The following ASXL1 variants were observed in gnomAD, a reference collection of about 807,000 sequenced individuals.
ASXL1 encodes ASXL transcriptional regulator 1, also known as polycomb group protein ASXL1.
In ASXL1, 65 loss-of-function variants were observed where a neutral mutation model predicts 89.1. The observed-to-expected ratio is 0.73, with a 90% CI of 0.60 to 0.90. ASXL1 has a LOEUF of 0.90. Ranked by LOEUF, ASXL1 falls within the 40% of genes least tolerant of loss-of-function variation. The pLI is 0.00. For missense variants in ASXL1, 1,786 were observed against 1,942.9 expected (o/e 0.92, Z 1.52); for synonymous variants, 739 against 746.9 (o/e 0.99, Z 0.17).
chr20:32,375,448 C>A (rs377703225), intron 4 of ASXL1, among the ~76,000 whole-genome samples: 27 of 136,772 alleles, frequency 2.0e-4, no homozygotes, highest in African/African-American at 2.5e-4. Context: ...GACTTGGTCT[C>A]AAAAAAAAAA....
intron 1 of ASXL1, among the ~76,000 whole-genome samples, chr20:32,361,426 T>C (rs1422019964): frequency 6.7e-6 from 1 of 149,672 alleles, no homozygotes; most frequent in Non-Finnish European, 1.5e-5. Context: ...GATCACAGGG[T>C]CAGGAGTTCT....
chr20:32,419,017 G>C (rs2049191403), intron 4 of ASXL1, among the ~76,000 whole-genome samples: 1 of 151,620 alleles, frequency 6.6e-6, no homozygotes, highest in African/African-American at 2.4e-5. Context: ...ATTTTTGGTA[G>C]AGATGGGGTT....
At chr20:32,423,847 C>T (rs986416154) in intron 4 of ASXL1, among the ~76,000 whole-genome samples, 1 of 152,208 alleles carries the variant, frequency 6.6e-6, no homozygotes, top group Admixed American at 6.5e-5. Flanking sequence ...CTGCACCTGG[C>T]CAAGCCCAGG....
At position 32,434,758 on chromosome 20, in the gene ASXL1, C is replaced by T. The variant is rs2145361546; in HGVS notation, c.2046C>T (p.Ser682=). The change falls in exon 13 of 13, where the codon AGC becomes AGT. Residue 682 remains serine (S), a synonymous_variant. Coordinates refer to ENST00000375687, the MANE Select transcript of ASXL1 (RefSeq NM_015338.6). ...ACCCTGAGCCCAGGGGAGGCCCGAGCACCCCTGGAAAGTGTACGTCAGATC... is the reference window on the plus strand; with the variant it reads ...ACCCTGAGCCCAGGGGAGGCCCGAGTACCCCTGGAAAGTGTACGTCAGATC... The part of the protein sequence containing the change: ...CGHPEPRGGP[S]TPGKCTSDLQ... 1 of 1,613,526 alleles carries T rather than the reference C, an allele frequency of 6.2e-7. No individual in the cohort carries two copies. Among genetic ancestry groups the T allele is most frequent in the Non-Finnish European group, 8.5e-7 (1 of 1,179,940 alleles).
rs867803872 is a variant in ASXL1, at chr20:32,374,590, C to A, written c.252+5467C>A. The stretch of plus-strand genomic sequence containing the variant: ...GATTACAGGTGTGAGCCACGGTGCC[C>A]GGCCCCTTATTCTTTTTGAAGGCTG... On this transcript the variant is annotated intron_variant, in intron 4 of 12. Transcript: ENST00000375687. Among the ~76,000 whole-genome samples the A allele has an allele frequency of 2.0e-5, 3 of 152,224 alleles. No homozygotes were observed. In the South Asian group the frequency reaches 6.2e-4, roughly 32 times the overall value.
chr20:32,372,780 A>G (rs569995442), intron 4 of ASXL1, among the ~76,000 whole-genome samples: 17 of 151,514 alleles, frequency 1.1e-4, no homozygotes, highest in Middle Eastern at 6.8e-3. Flanking sequence ...TTTTTAGTAG[A>G]GATGGGATTT....
In ASXL1 at chr20:32,429,965, G is replaced by A; in HGVS notation, c.630G>A (p.Leu210=). The change falls in exon 8 of 13, where the codon CTG becomes CTA. Residue 210 remains leucine (L), a synonymous_variant. Transcript: ENST00000375687. The surrounding 1 kb of genome is among the most constrained non-coding windows in gnomAD (Gnocchi z 4.9). ...GSPSSSSSGS[L]ALGSAAIRGQ... ...CGTCCAGCAGCAGCAGCGGCTCTCT[G>A]GCCCTGGGCAGCGCTGCTATTCGTG... The A allele has an allele frequency of 6.2e-7, 1 of 1,609,142 alleles. No individual in the cohort carries two copies. Among genetic ancestry groups the A allele is most frequent in the Non-Finnish European group, 8.5e-7 (1 of 1,179,818 alleles).
chr20:32,428,114 C>T lies in ASXL1; in HGVS notation c.253-14C>T. 6.2e-7 allele frequency: 1 copy of T among 1,612,832 alleles called. No homozygotes were observed. Among genetic ancestry groups the T allele is most frequent in the Non-Finnish European group, 8.5e-7 (1 of 1,180,012 alleles). ...TAGGGTTTTGTTCACCTGAGTTGTA[C>T]CTTGCTGTCACAGAAGGATGCCCTG... is the stretch of plus-strand genomic sequence containing the variant. On this transcript the variant is annotated splice_polypyrimidine_tract_variant and intron_variant, in intron 4 of 12. Transcript: ENST00000375687.
intron 4 of ASXL1, among the ~76,000 whole-genome samples, chr20:32,423,704 C>G (rs1034142537): frequency 9.2e-5 from 14 of 151,990 alleles, no homozygotes; most frequent in African/African-American, 3.4e-4. Flanking sequence ...GCATGTACAC[C>G]ACACCCAACT....
chr20:32,422,879 C>G (rs1206604643), intron 4 of ASXL1, among the ~76,000 whole-genome samples: 2 of 152,002 alleles, frequency 1.3e-5, no homozygotes, highest in African/African-American at 4.8e-5. Context: ...GCCACCGTGC[C>G]CGGCCTATAG....
intron 4 of ASXL1, among the ~76,000 whole-genome samples, chr20:32,408,835 A>AT (rs1249496964): frequency 2.0e-4 from 30 of 151,676 alleles, no homozygotes; most frequent in African/African-American, 6.3e-4. Flanking sequence ...TCTCAACAGC[A>AT]TTTTTTTTCA....
intron 4 of ASXL1, among the ~76,000 whole-genome samples, chr20:32,421,413 G>A (rs771989172): frequency 6.6e-6 from 1 of 151,954 alleles, no homozygotes; most frequent in Non-Finnish European, 1.5e-5. Context: ...ATAATGGTGA[G>A]GATTTGGATC....
At chr20:32,403,628 TG>T (rs1165333771) in intron 4 of ASXL1, among the ~76,000 whole-genome samples, 1 of 152,110 alleles carries the variant, frequency 6.6e-6, no homozygotes, top group Non-Finnish European at 1.5e-5. Context: ...TTGCCCATGT[TG>T]GTCTCAAACA....
At chr20:32,359,309 T>C (rs1223302802) in intron 1 of ASXL1, 4 of 702,422 alleles carry the variant, frequency 5.7e-6, no homozygotes, top group Non-Finnish European at 1.0e-5. Flanking sequence ...GCCAATGGCA[T>C]GTTGAGCTTT....
intron 4 of ASXL1, among the ~76,000 whole-genome samples, chr20:32,382,267 A>G (rs6141299): frequency 0.35 from 53,576 of 151,694 alleles, 10,537 homozygotes; most frequent in East Asian, 0.74. Flanking sequence ...GAGCCAGCGC[A>G]CCCGGCCTCT....
In ASXL1 at chr20:32,436,226, G is replaced by A. The variant is rs748986962; in HGVS notation, c.3514G>A (p.Ala1172Thr). The change falls in exon 13 of 13, where the codon GCT becomes ACT. Residue 1172 changes from alanine (A) to threonine (T), a missense_variant. Transcript: ENST00000375687. The stretch of plus-strand genomic sequence containing the variant: ...TGGAAGCAGCCCCAGTTCTTTAAGG[G>A]CTTTGAAGGAGCCTCTTCTGCCAGA... ...VDGSSPSSLR[A>T]LKEPLLPDSC... 6.2e-7 allele frequency: 1 copy of A among 1,614,226 alleles called. No individual in the cohort carries two copies. Among genetic ancestry groups the A allele is most frequent in the East Asian group, 2.2e-5 (1 of 44,888 alleles).
chr20:32,412,728 T>G (rs1209144117), intron 4 of ASXL1, among the ~76,000 whole-genome samples: 1 of 151,726 alleles, frequency 6.6e-6, no homozygotes, highest in Non-Finnish European at 1.5e-5. Context: ...GGCTAATTTT[T>G]TTTTTTTTTT....
Position 32,438,900 on chromosome 20 carries a change from G to A in ASXL1, c.*1562G>A, listed in dbSNP as rs2012070549. On this transcript the variant is annotated 3_prime_UTR_variant, in exon 13 of 13. Transcript: ENST00000375687. ...GATGCCCCTGTGTGTGTTTTCCCTT[G>A]CCTTGTTTCCTGCCTTATATCTTGT... is the stretch of plus-strand genomic sequence containing the variant. 2 of 233,340 alleles carry A rather than the reference G, an allele frequency of 8.6e-6. No individual in the cohort carries two copies. Among genetic ancestry groups the A allele is most frequent in the Non-Finnish European group, 1.7e-5 (2 of 118,038 alleles). 14.5% of individuals were successfully genotyped at this position (233,340 alleles called of 1,614,324 possible).
intron 4 of ASXL1, among the ~76,000 whole-genome samples, chr20:32,417,020 C>G (rs1250898348): frequency 6.6e-6 from 1 of 151,966 alleles, no homozygotes; most frequent in East Asian, 1.9e-4. Context: ...ATTTTTTTCC[C>G]CTTGACTGAT....
Sources: allele counts gnomAD v4.1 joint callset (sites outside exome capture counted in the v4.1 genomes callset), GRCh38; gene constraint gnomAD v4.1.1; non-coding constraint Gnocchi (gnomAD v3.1); transcripts MANE v1.5; gene names NCBI Gene and HGNC (gene_info 2026-07-23, HGNC 2026-07-21).